The following PRDM5 variants were observed in gnomAD, a reference collection of about 807,000 sequenced individuals.
PRDM5 encodes the protein PR domain zinc finger protein 5.
In PRDM5, 56 loss-of-function variants were observed where a neutral mutation model predicts 81.2. The ratio of observed to expected loss-of-function variants is 0.69; its 90% confidence interval spans 0.56 to 0.86. The LOEUF (loss-of-function observed/expected upper bound fraction) is 0.86. PRDM5 is among the 40% of genes least tolerant of loss of function. The pLI is 0.00. For missense variants in PRDM5, 697 were observed against 770.1 expected, an observed-to-expected ratio of 0.91 and a Z score of 1.12; for synonymous variants, 267 against 256.4, an observed-to-expected ratio of 1.04 and a Z score of -0.39.
chr4:120,720,380 C>T (rs753098087), intron 14 of PRDM5, among the ~76,000 whole-genome samples: 11 of 152,088 alleles, frequency 7.2e-5, no homozygotes, highest in Non-Finnish European at 5.9e-5. Context: ...TAGTAATCTT[C>T]GTTTAGCATG....
At chr4:120,860,434 A>G (rs1760435479) in intron 2 of PRDM5, among the ~76,000 whole-genome samples, 1 of 152,226 alleles carries the variant, frequency 6.6e-6, no homozygotes. Flanking sequence ...TGAAACACAT[A>G]GTGAAAACCA....
intron 1 of PRDM5, among the ~76,000 whole-genome samples, chr4:120,921,839 A>C (rs1724963130): frequency 6.6e-6 from 1 of 151,886 alleles, no homozygotes; most frequent in South Asian, 2.1e-4. Context: ...CTGGCTGGAG[A>C]GATCGAACCG....
intron 2 of PRDM5, chr4:120,895,719 T>C (rs1764542086): frequency 6.6e-6 from 1 of 152,268 alleles, no homozygotes; most frequent in Non-Finnish European, 1.5e-5. Flanking sequence ...CAGGGTCTTG[T>C]TCTATAGCCC....
intron 13 of PRDM5, among the ~76,000 whole-genome samples, chr4:120,764,489 T>C (rs1746092474): frequency 6.6e-6 from 1 of 152,062 alleles, no homozygotes; most frequent in African/African-American, 2.4e-5. Flanking sequence ...TAGATAATCA[T>C]ATTACTAATG....
At chr4:120,818,006 T>C (rs556914081) in intron 5 of PRDM5, among the ~76,000 whole-genome samples, 1 of 152,350 alleles carries the variant, frequency 6.6e-6, no homozygotes, top group East Asian at 1.9e-4. Context: ...CAACTAAAAG[T>C]CTGTTACCTC....
At position 120,863,956 on chromosome 4, in the gene PRDM5, A is replaced by G. The variant is rs575864226; in HGVS notation, c.178-10416T>C. Reference sequence around the variant, plus strand: ...CTGGAGCAGCAAAATCAAAGCAATAACAGGAAATAAATGGTGACTGTATGA... The same window carrying G: ...CTGGAGCAGCAAAATCAAAGCAATAGCAGGAAATAAATGGTGACTGTATGA... On this transcript the variant is annotated intron_variant, in intron 2 of 15. Coordinates refer to ENST00000264808, the MANE Select transcript of PRDM5 (RefSeq NM_018699.4). Among the ~76,000 whole-genome samples the G allele has an allele frequency of 2.3e-3, 345 of 152,314 alleles. 1 individual carries two copies. Among genetic ancestry groups the G allele is most frequent in the African/African-American group, 7.7e-3 (322 of 41,562 alleles).
intron 2 of PRDM5, among the ~76,000 whole-genome samples, chr4:120,865,910 T>C (rs931763706): frequency 1.3e-5 from 2 of 151,722 alleles, no homozygotes; most frequent in Non-Finnish European, 2.9e-5. Flanking sequence ...TTCCTCAACT[T>C]TTCTTGTTAA....
chr4:120,882,870 A>G (rs1473929571), intron 2 of PRDM5, among the ~76,000 whole-genome samples: 1 of 152,244 alleles, frequency 6.6e-6, no homozygotes, highest in Non-Finnish European at 1.5e-5. Context: ...ATACAGTTAT[A>G]TCTCACACAA....
intron 14 of PRDM5, among the ~76,000 whole-genome samples, chr4:120,753,998 T>C (rs1379720796): frequency 1.3e-5 from 2 of 152,106 alleles, no homozygotes; most frequent in Non-Finnish European, 2.9e-5. Context: ...AGAATGACAA[T>C]AGTCCAGTGA....
At chr4:120,887,260 T>C (rs1303847190) in intron 2 of PRDM5, among the ~76,000 whole-genome samples, 1 of 151,710 alleles carries the variant, frequency 6.6e-6, no homozygotes, top group Non-Finnish European at 1.5e-5. Flanking sequence ...TCTCTTTCAA[T>C]ACACAATCCA....
At chr4:120,920,683 T>C (rs2148724296) in intron 1 of PRDM5, among the ~76,000 whole-genome samples, 1 of 152,366 alleles carries the variant, frequency 6.6e-6, no homozygotes, top group East Asian at 1.9e-4. Flanking sequence ...CTGAATATTT[T>C]GGGATCATAA....
intron 15 of PRDM5, among the ~76,000 whole-genome samples, chr4:120,704,065 C>T (rs115470061): frequency 3.2e-4 from 48 of 152,114 alleles, no homozygotes; most frequent in Admixed American, 1.3e-3. Context: ...CTGGAAAAAA[C>T]GGAAAGGAAG....
intron 11 of PRDM5, among the ~76,000 whole-genome samples, chr4:120,783,750 T>C (rs1749373243): frequency 6.6e-6 from 1 of 152,168 alleles, no homozygotes; most frequent in African/African-American, 2.4e-5. Context: ...ATAACTTCTT[T>C]AGACCTGTAA....
At chr4:120,790,540 T>A (rs28545211) in intron 10 of PRDM5, among the ~76,000 whole-genome samples, 11,176 of 152,270 alleles carry the variant, frequency 0.073, 756 homozygotes, top group African/African-American at 0.18. Context: ...GTAATTTTTT[T>A]AAATTGAGAT....
intron 3 of PRDM5, among the ~76,000 whole-genome samples, chr4:120,843,325 A>T (rs1422665682): frequency 6.6e-6 from 1 of 152,086 alleles, no homozygotes; most frequent in Non-Finnish European, 1.5e-5. Context: ...CAACAGAGAG[A>T]GACCCTGTCT....
At chr4:120,831,688 T>C (rs1197977433) in intron 3 of PRDM5, among the ~76,000 whole-genome samples, 3 of 60,032 alleles carry the variant, frequency 5.0e-5, no homozygotes, top group Non-Finnish European at 1.0e-4. Context: ...CTTATACTAC[T>C]TATAAAGAGT....
chr4:120,757,766 TTTC>T (rs907347686), intron 13 of PRDM5, among the ~76,000 whole-genome samples: 15 of 151,982 alleles, frequency 9.9e-5, no homozygotes, highest in African/African-American at 2.2e-4. Flanking sequence ...CTTTCTCTTC[TTTC>T]TTCTTCTTCT....
intron 14 of PRDM5, among the ~76,000 whole-genome samples, chr4:120,740,462 C>T (rs569397151): frequency 6.6e-6 from 1 of 152,162 alleles, no homozygotes; most frequent in African/African-American, 2.4e-5. Flanking sequence ...TCCTTCCTCT[C>T]TAAACCCACA....
intron 14 of PRDM5, among the ~76,000 whole-genome samples, chr4:120,729,028 G>A (rs1450869725): frequency 2.6e-5 from 4 of 152,280 alleles, no homozygotes; most frequent in Admixed American, 6.5e-5. Context: ...CTAGGACCCC[G>A]CAGGAGACGG....
Sources: gnomAD v4.1 joint callset for allele counts (sites outside exome capture counted in the v4.1 genomes callset) on GRCh38, gnomAD v4.1.1 for gene constraint, MANE v1.5 for transcripts, NCBI Gene and HGNC (gene_info 2026-07-23, HGNC 2026-07-21) for gene names.